The following FHOD3 variants were observed in gnomAD, a reference collection of about 807,000 sequenced individuals.
FHOD3 encodes the protein FH1/FH2 domain-containing protein 3.
In FHOD3, 90 loss-of-function variants were observed where a neutral mutation model predicts 173.0. That is an observed-to-expected ratio of 0.52 (90% CI 0.44 to 0.62). The LOEUF is 0.62. Ranked by LOEUF, FHOD3 falls within the 20% of genes least tolerant of loss-of-function variation. The probability of loss-of-function intolerance (pLI) is 0.00; values close to 1 mark genes in which losing one functional copy is unlikely to be tolerated. For synonymous variants in FHOD3, 828 were observed against 823.0 expected, an observed-to-expected ratio of 1.01 and a Z score of -0.10; for missense variants, 1,945 against 2,034.7, an observed-to-expected ratio of 0.96 and a Z score of 0.85.
At chr18:36,746,866 C>T in intron 23 of FHOD3, 79 bp from the exon 24 acceptor site, 1 of 1,106,018 alleles carries the variant, frequency 9.0e-7, no homozygotes, top group South Asian at 1.8e-5. Flanking sequence ...TTGTTTCTCC[C>T]CAGAGGCAGT....
At chr18:36,695,943 A>G (rs76106539) in intron 17 of FHOD3, among the ~76,000 whole-genome samples, 5,080 of 152,320 alleles carry the variant, frequency 0.033, 132 homozygotes, top group Middle Eastern at 0.11. Flanking sequence ...TAAAAATATA[A>G]TCACACATCC....
At chr18:36,513,093 A>G (rs935522425) in intron 5 of FHOD3, among the ~76,000 whole-genome samples, 1 of 151,984 alleles carries the variant, frequency 6.6e-6, no homozygotes, top group African/African-American at 2.4e-5. Flanking sequence ...AGTTTGAAGC[A>G]CTGATTCCTG....
At position 36,652,669 on chromosome 18, in the gene FHOD3, G is replaced by C. The variant is rs2036142915; in HGVS notation, c.1386G>C (p.Lys462Asn). ...TCTCGAATGCCAGCTCGCAGGGAAA[G>C]CCGCTTCTGGTTGGCACTGCAGGCG... is the stretch of plus-strand genomic sequence containing the variant. Reference protein sequence around the residue: ...PAVSNASSQGKPLLVGTAGGT... With the variant: ...PAVSNASSQGNPLLVGTAGGT... The change falls in exon 12 of 29, where the codon AAG becomes AAC. Residue 462 changes from lysine to asparagine, a missense_variant. Physicochemically the swap from Lys to Asn is moderately conservative, Grantham distance 94. Transcript: ENST00000590592. The C allele has an allele frequency of 3.9e-6, 6 of 1,535,654 alleles. No individual in the cohort carries two copies. Among genetic ancestry groups the C allele is most frequent in the Middle Eastern group, 3.4e-4 (2 of 5,916 alleles).
chr18:36,348,592 T>G (rs779874915), intron 1 of FHOD3, among the ~76,000 whole-genome samples: 27 of 152,300 alleles, frequency 1.8e-4, no homozygotes, highest in Non-Finnish European at 3.7e-4. Flanking sequence ...GGTTTGGGAC[T>G]TCGTGTGTTC....
At chr18:36,531,313 A>T (rs1231262402) in intron 5 of FHOD3, among the ~76,000 whole-genome samples, 1 of 151,856 alleles carries the variant, frequency 6.6e-6, no homozygotes, top group African/African-American at 2.4e-5. Flanking sequence ...CCTGCAACCC[A>T]CCCCTGCTCC....
intron 3 of FHOD3, among the ~76,000 whole-genome samples, chr18:36,501,091 A>G (rs2043450674): frequency 6.6e-6 from 1 of 152,156 alleles, no homozygotes; most frequent in Non-Finnish European, 1.5e-5. Flanking sequence ...CCCTGTATTA[A>G]GCTCACCTCC....
At chr18:36,520,303 A>G (rs2056211766) in intron 5 of FHOD3, among the ~76,000 whole-genome samples, 2 of 152,112 alleles carry the variant, frequency 1.3e-5, no homozygotes, top group East Asian at 3.9e-4. Context: ...AATTATGAAT[A>G]TTGTTGAATA....
intron 2 of FHOD3, among the ~76,000 whole-genome samples, chr18:36,359,113 A>G (rs2046491526): frequency 6.6e-6 from 1 of 152,214 alleles, no homozygotes; most frequent in African/African-American, 2.4e-5. Flanking sequence ...GGCAAATACC[A>G]TTTTTTTCTC....
chr18:36,337,766 A>T (rs2145386534), intron 1 of FHOD3, among the ~76,000 whole-genome samples: 1 of 152,314 alleles, frequency 6.6e-6, no homozygotes, highest in Admixed American at 6.5e-5. Context: ...CTTTAATTAT[A>T]GCTCACACCA....
chr18:36,737,667 T>C (rs62083175), intron 20 of FHOD3, among the ~76,000 whole-genome samples: 182 of 152,258 alleles, frequency 1.2e-3, no homozygotes, highest in South Asian at 3.3e-3. Flanking sequence ...TGCAATGCAG[T>C]TTTGCATCAC....
At chr18:36,466,303 A>G (rs1048279683) in intron 3 of FHOD3, among the ~76,000 whole-genome samples, 15 of 152,318 alleles carry the variant, frequency 9.8e-5, no homozygotes, top group Admixed American at 5.9e-4. Context: ...ATCTGGCTCA[A>G]TAAGACAGGT....
chr18:36,415,106 AG>A (rs1244943316), intron 3 of FHOD3, among the ~76,000 whole-genome samples: 3 of 152,112 alleles, frequency 2.0e-5, no homozygotes, highest in Non-Finnish European at 4.4e-5. Flanking sequence ...ACAGTGTTTC[AG>A]GGAAAGTGTG....
intron 21 of FHOD3, 110 bp from the exon 22 acceptor site, chr18:36,742,626 GC>G: frequency 8.3e-7 from 1 of 1,209,632 alleles, no homozygotes; most frequent in Non-Finnish European, 1.2e-6. Context: ...GCGGGGGATT[GC>G]CTTGTGCTGG....
intron 2 of FHOD3, 119 bp downstream of exon 2, chr18:36,355,764 T>A: frequency 1.3e-6 from 1 of 785,292 alleles, no homozygotes; most frequent in Non-Finnish European, 2.1e-6. Flanking sequence ...TAATTCTCAA[T>A]CACACACGAG....
At chr18:36,639,662 C>CAAAA (rs565028489) in intron 10 of FHOD3, among the ~76,000 whole-genome samples, 7,188 of 77,720 alleles carry the variant, frequency 0.092, 448 homozygotes, top group East Asian at 0.3. Context: ...GACTCCATCT[C>CAAAA]AAAAAAAAAA....
intron 1 of FHOD3, among the ~76,000 whole-genome samples, chr18:36,341,158 A>C (rs2145471103): frequency 6.6e-6 from 1 of 152,354 alleles, no homozygotes; most frequent in East Asian, 1.9e-4. Context: ...ATTTATATCA[A>C]TTAAAGATGA....
chr18:36,617,762 A>C (rs1164977776), intron 9 of FHOD3, among the ~76,000 whole-genome samples: 3 of 152,148 alleles, frequency 2.0e-5, no homozygotes, highest in Non-Finnish European at 2.9e-5. Context: ...TTCTGTTGGA[A>C]AATTACATGG....
At chr18:36,535,893 T>C (rs1182256533) in intron 5 of FHOD3, among the ~76,000 whole-genome samples, 2 of 152,174 alleles carry the variant, frequency 1.3e-5, no homozygotes, top group Non-Finnish European at 2.9e-5. Context: ...AAAACTGAGA[T>C]TATTGAGTAG....
intron 3 of FHOD3, among the ~76,000 whole-genome samples, chr18:36,488,409 G>T (rs1324265612): frequency 1.3e-5 from 2 of 152,214 alleles, no homozygotes; most frequent in Admixed American, 1.3e-4. Flanking sequence ...GTGCTTTGGA[G>T]AGAGACCCCC....
Sources: allele counts gnomAD v4.1 joint callset (sites outside exome capture counted in the v4.1 genomes callset), GRCh38; gene constraint gnomAD v4.1.1; transcripts MANE v1.5; gene names NCBI Gene and HGNC (gene_info 2026-07-23, HGNC 2026-07-21).